SCAPER: variants seen among roughly 807,000 people sequenced by gnomAD.
SCAPER encodes the protein S-phase cyclin A associated protein in the ER.
Under a neutral mutation model 182.2 loss-of-function variants are expected in SCAPER, and 98 were observed. The ratio of observed to expected loss-of-function variants is 0.54; its 90% confidence interval spans 0.46 to 0.64. The LOEUF (loss-of-function observed/expected upper bound fraction) is 0.64. SCAPER is among the 30% of genes least tolerant of loss of function. The probability of loss-of-function intolerance (pLI) is 0.00; values close to 1 mark genes in which losing one functional copy is unlikely to be tolerated. For synonymous variants in SCAPER, 605 were observed against 564.6 expected (o/e 1.07, Z -1.01); for missense variants, 1,432 against 1,690.0 (o/e 0.85, Z 2.68).
chr15:76,873,865 T>G (rs1595866702), intron 2 of SCAPER, among the ~76,000 whole-genome samples: 1 of 152,262 alleles, frequency 6.6e-6, no homozygotes, highest in African/African-American at 2.4e-5. Flanking sequence ...CCCCATGTGT[T>G]TGGAAGTTAA....
intron 22 of SCAPER, among the ~76,000 whole-genome samples, chr15:76,621,193 A>G (rs1403318137): frequency 6.6e-6 from 1 of 152,186 alleles, no homozygotes; most frequent in African/African-American, 2.4e-5. Context: ...TTCTCACTGC[A>G]GCTCTACTGA....
chr15:76,403,846 A>G (rs2044633798), intron 27 of SCAPER, among the ~76,000 whole-genome samples: 1 of 152,160 alleles, frequency 6.6e-6, no homozygotes, highest in Non-Finnish European at 1.5e-5. Context: ...AGAAGACAAG[A>G]AGACCCAGAG....
chr15:76,572,919 T>TCACACA lies in SCAPER; in HGVS notation c.2838+1233_2838+1238dup, dbSNP rs58395846. Among the ~76,000 whole-genome samples, 156 of 135,264 alleles carry TCACACA rather than the reference T, an allele frequency of 1.2e-3. 4 individuals are homozygous for TCACACA. Among genetic ancestry groups the TCACACA allele is most frequent in the African/African-American group, 4.2e-3 (149 of 35,574 alleles). The allele number at this position is 135,264 out of a possible 152,430, so 88.7% of individuals were successfully genotyped here. On this transcript the variant is annotated intron_variant, in intron 23 of 31. Coordinates refer to ENST00000563290, the MANE Select transcript of SCAPER (RefSeq NM_020843.4). ...CTCTCTCTCTCTCTCTCTCTCTCTC[T>TCACACA]CACACACACACACACACACACACAC...
intron 29 of SCAPER, among the ~76,000 whole-genome samples, chr15:76,374,672 G>T (rs538594139): frequency 3.3e-4 from 50 of 151,638 alleles, no homozygotes; most frequent in African/African-American, 1.0e-3. Context: ...GTAGAGACGG[G>T]GTTTCTTCAT....
At chr15:76,802,983 A>T (rs2065903299) in intron 6 of SCAPER, among the ~76,000 whole-genome samples, 1 of 152,150 alleles carries the variant, frequency 6.6e-6, no homozygotes, top group African/African-American at 2.4e-5. Flanking sequence ...TTACTACCTT[A>T]ATCTGAGTAG....
intron 23 of SCAPER, among the ~76,000 whole-genome samples, chr15:76,507,290 A>T (rs1484587196): frequency 6.6e-6 from 1 of 152,180 alleles, no homozygotes; most frequent in Non-Finnish European, 1.5e-5. Flanking sequence ...GCCATCCATG[A>T]GCCAAGGAGA....
At chr15:76,772,087 A>G (rs554130129) in intron 9 of SCAPER, 133 bp from the exon 10 acceptor site, 2 of 673,648 alleles carry the variant, frequency 3.0e-6, no homozygotes, top group Admixed American at 6.2e-5. Flanking sequence ...CAGAAAATTT[A>G]CTCATCTTTT....
chr15:76,608,024 G>A lies in SCAPER; in HGVS notation c.2711+13740C>T, dbSNP rs578106991. On this transcript the variant is annotated intron_variant, in intron 22 of 31. Transcript: ENST00000563290. ...AGCCTTCTTCTCTCAACTCGTCAAA[G>A]TCATTCTCTGTCCAGCTTTGCTCTG... 2.6e-5 allele frequency among the ~76,000 whole-genome samples: 4 copies of A among 152,320 alleles called. No homozygotes were observed. In the South Asian group the frequency reaches 8.3e-4, roughly 32 times the overall value.
intron 1 of SCAPER, among the ~76,000 whole-genome samples, chr15:76,903,974 CCA>C (rs751749893): frequency 6.6e-6 from 1 of 152,168 alleles, no homozygotes; most frequent in Non-Finnish European, 1.5e-5. Flanking sequence ...ATTACTTCTC[CCA>C]CAGACAACCT....
At chr15:76,507,686 C>T (rs531504445) in intron 23 of SCAPER, among the ~76,000 whole-genome samples, 28 of 152,224 alleles carry the variant, frequency 1.8e-4, no homozygotes, top group African/African-American at 6.5e-4. Flanking sequence ...CATTCAATTG[C>T]TCTTTGTGCA....
chr15:76,490,498 T>C (rs1426535829), intron 24 of SCAPER, among the ~76,000 whole-genome samples: 1 of 152,238 alleles, frequency 6.6e-6, no homozygotes, highest in African/African-American at 2.4e-5. Context: ...AATTAAGTTG[T>C]TAATATTTTT....
At position 76,674,640 on chromosome 15, in the gene SCAPER, A is replaced by G. The variant is rs566629057; in HGVS notation, c.2509-8851T>C. Among the ~76,000 whole-genome samples, 21 of 152,336 alleles carry G rather than the reference A, an allele frequency of 1.4e-4. No individual in the cohort carries two copies. The South Asian group carries it at 4.1e-3, about 30-fold the overall frequency. ...GGGAGGGCATACCTGAAGAGATGGTAAAGACAGAAGATGGGTCCCTGAAAA... is the reference window on the plus strand; with the variant it reads ...GGGAGGGCATACCTGAAGAGATGGTGAAGACAGAAGATGGGTCCCTGAAAA... On this transcript the variant is annotated intron_variant, in intron 20 of 31. Coordinates refer to ENST00000563290, the MANE Select transcript of SCAPER (RefSeq NM_020843.4).
Position 76,771,890 on chromosome 15 carries a change from G to A in SCAPER, c.1100C>T (p.Thr367Ile). Residue 367 changes from threonine to isoleucine, a missense_variant, in exon 10 of 32, where the codon ACT becomes ATT. Physicochemically the swap from Thr to Ile is moderately conservative, Grantham distance 89 (BLOSUM62 -1). Transcript: ENST00000563290. ...AATGTGGACAGCAGATATTTCAGAA[G>A]TTCGAACATAATTGTCTCGAATACT... is the stretch of plus-strand genomic sequence containing the variant. ...SGSIRDNYVR[T>I]SEISAVHIDT... The A allele has an allele frequency of 6.2e-7, 1 of 1,612,996 alleles. No individual in the cohort carries two copies. The highest frequency in any genetic ancestry group is 8.5e-7 in the Non-Finnish European group (1 of 1,179,406).
chr15:76,410,269 G>T (rs568033312), intron 26 of SCAPER, among the ~76,000 whole-genome samples: 1 of 152,244 alleles, frequency 6.6e-6, no homozygotes, highest in East Asian at 1.9e-4. Flanking sequence ...AGTAATGCAA[G>T]AAATTTTAAG....
intron 22 of SCAPER, chr15:76,576,856 A>G (rs1041163526): frequency 4.6e-5 from 7 of 152,182 alleles, no homozygotes; most frequent in African/African-American, 1.7e-4. Context: ...CATTTATACC[A>G]ACCTTAGAAA....
At chr15:76,568,958 G>A (rs1194880478) in intron 23 of SCAPER, among the ~76,000 whole-genome samples, 1 of 151,602 alleles carries the variant, frequency 6.6e-6, no homozygotes, top group African/African-American at 2.4e-5. Context: ...ACTTATTTGT[G>A]CTATTTATCT....
chr15:76,492,026 T>A (rs1260040638), intron 24 of SCAPER, among the ~76,000 whole-genome samples: 2 of 152,238 alleles, frequency 1.3e-5, no homozygotes, highest in Non-Finnish European at 2.9e-5. Context: ...TCTCTTCATG[T>A]GCTTACTTGG....
chr15:76,510,468 C>T (rs984477869), intron 23 of SCAPER, among the ~76,000 whole-genome samples: 1 of 152,080 alleles, frequency 6.6e-6, no homozygotes, highest in African/African-American at 2.4e-5. Flanking sequence ...AGAACATATA[C>T]AAATGGCCAA....
Position 76,549,409 on chromosome 15 carries a change from T to C in SCAPER, c.2838+24749A>G, listed in dbSNP as rs535198828. Among the ~76,000 whole-genome samples the C allele has an allele frequency of 4.4e-3, 663 of 152,240 alleles. 2 individuals are homozygous for C. Among genetic ancestry groups the C allele is most frequent in the Non-Finnish European group, 7.2e-3 (493 of 68,016 alleles). On this transcript the variant is annotated intron_variant, in intron 23 of 31. Transcript: ENST00000563290. The stretch of plus-strand genomic sequence containing the variant: ...TAAGAAAATATGCACATATACACCA[T>C]GGAATACTATGCAGCCATAAAAAAT...
Sources: allele counts gnomAD v4.1 joint callset (sites outside exome capture counted in the v4.1 genomes callset), GRCh38; gene constraint gnomAD v4.1.1; transcripts MANE v1.5; gene names NCBI Gene and HGNC (gene_info 2026-07-23, HGNC 2026-07-21).